Variants in UQCC1 observed in about 807,000 individuals in gnomAD.
The protein encoded by UQCC1 is bFGF-repressed Zic-binding protein.
A neutral mutation model predicts 48.0 loss-of-function variants in UQCC1; 38 were observed. That is an observed-to-expected ratio of 0.79 (90% CI 0.61 to 1.04). The LOEUF (loss-of-function observed/expected upper bound fraction) is 1.04, where lower values mean the gene tolerates loss of function less well. Among genes scored for constraint, UQCC1 ranks in the 50% least tolerant of loss-of-function variants. UQCC1 has a pLI of 0.00. For missense variants in UQCC1, 368 were observed against 381.8 expected (o/e 0.96, Z 0.30); for synonymous variants, 111 against 129.2 (o/e 0.86, Z 0.95).
chr20:35,321,262 G>C (rs866813059), intron 7 of UQCC1, among the ~76,000 whole-genome samples: 6 of 127,160 alleles, frequency 4.7e-5, no homozygotes, highest in Admixed American at 1.5e-4. Context: ...CTGTGTGTGT[G>C]TGTGTGTGTG....
At chr20:35,319,370 C>T (rs1338700740) in intron 7 of UQCC1, among the ~76,000 whole-genome samples, 1 of 152,172 alleles carries the variant, frequency 6.6e-6, no homozygotes, top group Non-Finnish European at 1.5e-5. Context: ...GCTAAATGAG[C>T]AGCAGGTCTC....
intron 2 of UQCC1, among the ~76,000 whole-genome samples, chr20:35,386,777 T>C (rs1347263274): frequency 3.3e-5 from 5 of 152,008 alleles, no homozygotes; most frequent in East Asian, 3.9e-4. Context: ...ACTGTATTTC[T>C]ATCCTACCAT....
intron 6 of UQCC1, among the ~76,000 whole-genome samples, chr20:35,364,518 G>A (rs2061643765): frequency 1.3e-5 from 2 of 152,166 alleles, no homozygotes; most frequent in South Asian, 2.1e-4. Context: ...ACACATAGGA[G>A]GTCCTCAAGA....
At chr20:35,322,145 A>C (rs1478863964) in intron 7 of UQCC1, among the ~76,000 whole-genome samples, 1 of 152,166 alleles carries the variant, frequency 6.6e-6, no homozygotes, top group African/African-American at 2.4e-5. Flanking sequence ...ATTCCACATG[A>C]CAAGTCTCAT....
chr20:35,320,994 C>T (rs1480354300), intron 7 of UQCC1, among the ~76,000 whole-genome samples: 2 of 152,200 alleles, frequency 1.3e-5, no homozygotes, highest in Non-Finnish European at 2.9e-5. Flanking sequence ...GCAGTGCCAA[C>T]GCCATGTTCT....
intron 7 of UQCC1, among the ~76,000 whole-genome samples, chr20:35,323,881 T>C (rs1051667887): frequency 3.3e-5 from 5 of 152,228 alleles, no homozygotes; most frequent in African/African-American, 1.2e-4. Context: ...ATCACAGAGA[T>C]GGGCACATAG....
chr20:35,385,244 C>T (rs181897556), intron 2 of UQCC1, among the ~76,000 whole-genome samples: 1 of 152,186 alleles, frequency 6.6e-6, no homozygotes, highest in Non-Finnish European at 1.5e-5. Context: ...ACAAAATAGG[C>T]ACTCAATAAA....
intron 4 of UQCC1, among the ~76,000 whole-genome samples, chr20:35,378,733 T>G (rs2061832261): frequency 6.6e-6 from 1 of 152,218 alleles, no homozygotes; most frequent in African/African-American, 2.4e-5. Flanking sequence ...GTCAACCATC[T>G]GGGCCTCTGT....
chr20:35,318,084 C>G (rs1037104468), intron 7 of UQCC1, among the ~76,000 whole-genome samples: 3 of 152,196 alleles, frequency 2.0e-5, no homozygotes, highest in African/African-American at 7.2e-5. Flanking sequence ...ATAATCACAG[C>G]CACAAACGGA....
chr20:35,402,675 C>A (rs2062184974), intron 1 of UQCC1, among the ~76,000 whole-genome samples: 2 of 151,856 alleles, frequency 1.3e-5, no homozygotes, highest in African/African-American at 4.8e-5. Flanking sequence ...TGCTGGTAAT[C>A]CCAGCTACTC....
chr20:35,389,706 C>T (rs993124170), intron 2 of UQCC1, among the ~76,000 whole-genome samples: 2 of 152,188 alleles, frequency 1.3e-5, no homozygotes, highest in South Asian at 2.1e-4. Context: ...CAACAGAGTT[C>T]CAGTTAATAA....
chr20:35,370,436 C>G (rs886487061), intron 5 of UQCC1, among the ~76,000 whole-genome samples: 1 of 152,160 alleles, frequency 6.6e-6, no homozygotes, highest in East Asian at 1.9e-4. Context: ...TATTTGTCAT[C>G]TTCTGCATCC....
At chr20:35,381,866 C>T in intron 4 of UQCC1, 52 bp downstream of exon 4, 1 of 1,046,416 alleles carries the variant, frequency 9.6e-7, no homozygotes, top group South Asian at 1.4e-5. Flanking sequence ...CTATTAGGAG[C>T]AGAAAGCACA....
At chr20:35,396,760 T>C (rs1255996777) in intron 1 of UQCC1, among the ~76,000 whole-genome samples, 2 of 152,196 alleles carry the variant, frequency 1.3e-5, no homozygotes, top group African/African-American at 2.4e-5. Context: ...TAGCTCTCTC[T>C]TGCTAAATAA....
intron 7 of UQCC1, among the ~76,000 whole-genome samples, chr20:35,321,741 T>C (rs2061133084): frequency 6.6e-6 from 1 of 152,204 alleles, no homozygotes; most frequent in Non-Finnish European, 1.5e-5. Context: ...TTGAAAATTC[T>C]AGTTTTGCTG....
chr20:35,375,138 A>C (rs2146463433), intron 4 of UQCC1, among the ~76,000 whole-genome samples: 1 of 152,320 alleles, frequency 6.6e-6, no homozygotes, highest in East Asian at 1.9e-4. Flanking sequence ...GGAAAGTTAT[A>C]AACTCAAATA....
intron 2 of UQCC1, among the ~76,000 whole-genome samples, chr20:35,387,026 C>T (rs1010358914): frequency 2.0e-5 from 3 of 151,842 alleles, no homozygotes; most frequent in Non-Finnish European, 4.4e-5. Flanking sequence ...CCTGTAATCC[C>T]AACACTTTGG....
At chr20:35,358,268 C>T (rs1043511517) in intron 6 of UQCC1, among the ~76,000 whole-genome samples, 18 of 143,224 alleles carry the variant, frequency 1.3e-4, no homozygotes, top group Admixed American at 7.5e-4. Context: ...GCAGGAGAAT[C>T]GCTTGAACTT....
intron 1 of UQCC1, among the ~76,000 whole-genome samples, chr20:35,401,749 C>T (rs1261429940): frequency 6.7e-6 from 1 of 149,626 alleles, no homozygotes; most frequent in East Asian, 2.0e-4. Flanking sequence ...GCAACCTCTG[C>T]CTCCTGGGTT....
Sources: gnomAD v4.1 joint callset for allele counts (sites outside exome capture counted in the v4.1 genomes callset) on GRCh38, gnomAD v4.1.1 for gene constraint, MANE v1.5 for transcripts, NCBI Gene and HGNC (gene_info 2026-07-23, HGNC 2026-07-21) for gene names.